The following SEMA4D variants were observed in gnomAD, a reference collection of about 807,000 sequenced individuals.
SEMA4D encodes semaphorin-4D.
Under a neutral mutation model 74.8 loss-of-function variants are expected in SEMA4D, and 22 were observed. The ratio of observed to expected loss-of-function variants is 0.29; its 90% CI spans 0.21 to 0.42. The LOEUF (loss-of-function observed/expected upper bound fraction) is 0.42, where lower values mean the gene tolerates loss of function less well. Among genes scored for constraint, SEMA4D ranks in the 10% least tolerant of loss-of-function variants. The probability of loss-of-function intolerance (pLI) is 1.00; values close to 1 mark genes in which losing one functional copy is unlikely to be tolerated. For synonymous variants in SEMA4D, 445 were observed against 463.7 expected (o/e 0.96, Z 0.52); for missense variants, 937 against 1,118.4 (o/e 0.84, Z 2.31).
intron 1 of SEMA4D, chr9:89,472,361 A>C: frequency 2.5e-6 from 1 of 398,242 alleles, no homozygotes; most frequent in East Asian, 7.6e-5. Flanking sequence ...GATGATGGAG[A>C]CAAGACACTT....
chr9:89,370,357 G>A (rs1831251345), intron 16 of SEMA4D, among the ~76,000 whole-genome samples: 1 of 130,106 alleles, frequency 7.7e-6, no homozygotes, highest in African/African-American at 3.2e-5. Context: ...GTATATTGTG[G>A]TGTATCTGTA....
rs902784340 is a variant in SEMA4D, at chr9:89,468,935, T to C, written c.-309-12982A>G. ...ACCTCATTTGCTGCTCCCCAAGGGG[T>C]ACCATGTAATCCAAGGGAATCCAGC... On this transcript the variant is annotated intron_variant, in intron 1 of 15. Coordinates refer to ENST00000422704, the MANE Select transcript of SEMA4D (RefSeq NM_001371194.2). 6.6e-5 allele frequency among the ~76,000 whole-genome samples: 10 copies of C among 152,100 alleles called. 1 individual carries two copies. Among genetic ancestry groups the C allele is most frequent in the African/African-American group, 2.4e-4 (10 of 41,402 alleles).
downstream of SEMA4D, chr9:89,377,180 G>A (rs1835923393): frequency 7.2e-7 from 1 of 1,384,980 alleles, no homozygotes; most frequent in Non-Finnish European, 9.5e-7. Flanking sequence ...GTCCCGCCTG[G>A]GCCATGCAGG....
chr9:89,362,567 T>C, intron 18 of SEMA4D: 1 of 1,472,262 alleles, frequency 6.8e-7, no homozygotes, highest in South Asian at 1.2e-5. Flanking sequence ...CTCCTTGGAG[T>C]CTAAAGATCC....
chr9:89,399,552 G>A (rs1203789986), intron 4 of SEMA4D, among the ~76,000 whole-genome samples: 2 of 149,868 alleles, frequency 1.3e-5, no homozygotes, highest in East Asian at 1.9e-4. Flanking sequence ...AACCAGTGGA[G>A]TCTGGAAGAC....
chr9:89,363,385 C>T (rs751947018), intron 18 of SEMA4D: 1 of 1,601,708 alleles, frequency 6.2e-7, no homozygotes, highest in South Asian at 1.1e-5. Flanking sequence ...GGTGCCCTGC[C>T]CCTGGCTCCA....
At chr9:89,376,591 G>T (rs949238403), downstream of SEMA4D, 12 of 499,838 alleles carry the variant, frequency 2.4e-5, no homozygotes, top group Non-Finnish European at 4.2e-5. Context: ...TAAATATCTA[G>T]CCCTTTACAG....
At chr9:89,461,099 C>T (rs969439598) in intron 1 of SEMA4D, among the ~76,000 whole-genome samples, 5 of 151,908 alleles carry the variant, frequency 3.3e-5, no homozygotes, top group South Asian at 4.2e-4. Context: ...ACTGAACACA[C>T]GAAAGAAAAT....
chr9:89,434,147 G>A lies in SEMA4D; in HGVS notation c.-244+21741C>T, dbSNP rs115895932. Among the ~76,000 whole-genome samples the A allele has an allele frequency of 8.8e-3, 1,340 of 152,244 alleles. 18 individuals are homozygous for A. The highest frequency in any genetic ancestry group is 0.03 in the African/African-American group (1,244 of 41,540). ...TTAAGACCAGCCAGACCTCAGCCCC[G>A]GAGCAGCAGTAATGTGCGACAAGGT... On this transcript the variant is annotated intron_variant, in intron 2 of 15. Coordinates refer to ENST00000422704, the MANE Select transcript of SEMA4D (RefSeq NM_001371194.2).
chr9:89,458,490 CAT>C (rs1274446715), intron 1 of SEMA4D, among the ~76,000 whole-genome samples: 5 of 151,126 alleles, frequency 3.3e-5, no homozygotes, highest in Non-Finnish European at 7.4e-5. Flanking sequence ...CTGCCACACA[CAT>C]GCCACACACA....
chr9:89,395,173 A>T (rs1056895726), intron 6 of SEMA4D, among the ~76,000 whole-genome samples: 1 of 152,126 alleles, frequency 6.6e-6, no homozygotes, highest in African/African-American at 2.4e-5. Flanking sequence ...TGCCTGTAAT[A>T]CCAGCACTTT....
chr9:89,471,166 A>C (rs1860092017), intron 1 of SEMA4D, among the ~76,000 whole-genome samples: 1 of 152,220 alleles, frequency 6.6e-6, no homozygotes, highest in Admixed American at 6.5e-5. Flanking sequence ...TTCCACTTAT[A>C]GGAGGTCCCT....
At chr9:89,412,565 C>T (rs1231371212) in intron 2 of SEMA4D, among the ~76,000 whole-genome samples, 1 of 152,180 alleles carries the variant, frequency 6.6e-6, no homozygotes, top group Non-Finnish European at 1.5e-5. Context: ...GGCACGGGCA[C>T]CCCCACCTGG....
downstream of SEMA4D, chr9:89,376,984 G>C: frequency 6.5e-7 from 1 of 1,550,198 alleles, no homozygotes; most frequent in Admixed American, 2.0e-5. Context: ...AAAGCCTCCT[G>C]TCCCCCACAT....
intron 7 of SEMA4D, among the ~76,000 whole-genome samples, chr9:89,393,016 C>T (rs1840183979): frequency 6.6e-6 from 1 of 152,142 alleles, no homozygotes; most frequent in Admixed American, 6.5e-5. Context: ...TTGCTGTTTC[C>T]CAGGCTGGTC....
At chr9:89,486,460 A>G (rs928189269) in intron 1 of SEMA4D, among the ~76,000 whole-genome samples, 7 of 152,234 alleles carry the variant, frequency 4.6e-5, no homozygotes, top group African/African-American at 1.7e-4. Flanking sequence ...AACTCACAGA[A>G]TGGTACATTT....
chr9:89,363,734 C>T, intron 17 of SEMA4D: 1 of 1,610,706 alleles, frequency 6.2e-7, no homozygotes, highest in Non-Finnish European at 8.5e-7. Flanking sequence ...GCATGGGAAT[C>T]ACTTACCAGG....
chr9:89,376,961 G>T (rs773945241), downstream of SEMA4D: 18 of 1,550,498 alleles, frequency 1.2e-5, no homozygotes, highest in South Asian at 1.1e-4. Flanking sequence ...TGGCCAGGGG[G>T]TCCAGGGAGA....
At chr9:89,418,131 T>C in intron 2 of SEMA4D, 2 of 983,942 alleles carry the variant, frequency 2.0e-6, no homozygotes, top group African/African-American at 1.7e-5. Context: ...GTGAAAATAA[T>C]GGGAAACAAG....
Sources: allele counts gnomAD v4.1 joint callset (sites outside exome capture counted in the v4.1 genomes callset), GRCh38; gene constraint gnomAD v4.1.1; transcripts MANE v1.5; gene names NCBI Gene and HGNC (gene_info 2026-07-23, HGNC 2026-07-21).